The following QTGAL variants were observed in gnomAD, a reference collection of about 807,000 sequenced individuals.
The protein encoded by QTGAL is BGnT-like protein 1.
At chr17:82,987,368 C>T in the QTGAL span, among the ~76,000 whole-genome samples, 1 of 152,190 alleles carries the variant, frequency 6.6e-6, no homozygotes, top group Non-Finnish European at 1.5e-5. Context: ...TGACAGCATG[C>T]TTCATAGGCC....
At chr17:82,990,951 GATCTAAGA>G in the QTGAL span, among the ~76,000 whole-genome samples, 1 of 152,174 alleles carries the variant, frequency 6.6e-6, no homozygotes, top group African/African-American at 2.4e-5. Flanking sequence ...GCCAGGTCTT[GATCTAAGA>G]CTTTCCAGCT....
chr17:82,988,381 T>TAAAACCCAAAACTACA, the QTGAL span, among the ~76,000 whole-genome samples: 1 of 152,124 alleles, frequency 6.6e-6, no homozygotes, highest in African/African-American at 2.4e-5. Flanking sequence ...GACTTAAACG[T>TAAAACCCAAAACTACA]AAAACCCAAA....
the QTGAL span, among the ~76,000 whole-genome samples, chr17:83,046,578 C>G: frequency 5.3e-5 from 8 of 152,200 alleles, no homozygotes; most frequent in Non-Finnish European, 1.2e-4. Flanking sequence ...CAGAAAATAA[C>G]AAGTGTTGAT....
At chr17:83,005,681 G>A in the QTGAL span, 3 of 703,742 alleles carry the variant, frequency 4.3e-6, no homozygotes, top group Non-Finnish European at 7.7e-6. This position sits in a 1 kb window ranked among gnomAD's most constrained non-coding sequence, Gnocchi z 5.6. Flanking sequence ...CCTAAGTGGA[G>A]AAGAGCCTTG....
the QTGAL span, chr17:82,945,826 A>G: frequency 6.6e-6 from 1 of 152,250 alleles, no homozygotes; most frequent in African/African-American, 2.4e-5. Context: ...TTTAGTGGAT[A>G]AACTTTAGGC....
the QTGAL span, among the ~76,000 whole-genome samples, chr17:82,969,418 A>G: frequency 1.3e-5 from 2 of 152,192 alleles, no homozygotes; most frequent in Admixed American, 6.5e-5. Context: ...TACGTTGCCC[A>G]GGCTGGTCTT....
At chr17:83,048,754 G>A in the QTGAL span, 16 of 1,614,066 alleles carry the variant, frequency 9.9e-6, no homozygotes, top group East Asian at 2.2e-5. Context: ...GTCCAGCCAC[G>A]GTTCAGCGTT....
the QTGAL span, among the ~76,000 whole-genome samples, chr17:82,971,640 G>A: frequency 8.9e-4 from 120 of 134,172 alleles, 3 homozygotes; most frequent in African/African-American, 2.7e-3. Flanking sequence ...GAAGGACCTG[G>A]TGCCGACCAC....
the QTGAL span, among the ~76,000 whole-genome samples, chr17:83,003,906 T>C: frequency 2.3e-4 from 3 of 12,866 alleles, no homozygotes; most frequent in Admixed American, 1.3e-3. Context: ...ATTCCTGAGC[T>C]CGCCCTCCCG....
the QTGAL span, among the ~76,000 whole-genome samples, chr17:82,966,815 T>C: frequency 6.6e-6 from 1 of 152,106 alleles, no homozygotes; most frequent in African/African-American, 2.4e-5. Flanking sequence ...GCAGAAGACA[T>C]GGATAAACCA....
the QTGAL span, among the ~76,000 whole-genome samples, chr17:82,963,278 G>A: frequency 0.2 from 30,768 of 152,032 alleles, 3,202 homozygotes; most frequent in Admixed American, 0.24. Context: ...TCAGGGACGC[G>A]CTTCCTTCCC....
the QTGAL span, among the ~76,000 whole-genome samples, chr17:83,017,338 T>C: frequency 6.6e-6 from 1 of 152,150 alleles, no homozygotes; most frequent in Non-Finnish European, 1.5e-5. Flanking sequence ...AGAAGACTTT[T>C]ATGGCCAGGC....
chr17:82,987,252 C>A, the QTGAL span, among the ~76,000 whole-genome samples: 2 of 152,106 alleles, frequency 1.3e-5, no homozygotes, highest in Admixed American at 1.3e-4. Flanking sequence ...TTAAAAAATT[C>A]TTTATCTCAA....
chr17:82,954,255 A>C, the QTGAL span, among the ~76,000 whole-genome samples: 1 of 152,222 alleles, frequency 6.6e-6, no homozygotes, highest in Non-Finnish European at 1.5e-5. Flanking sequence ...CCATTGTCTC[A>C]GCCCAAAAAC....
At chr17:83,018,007 C>T in the QTGAL span, among the ~76,000 whole-genome samples, 2 of 94,312 alleles carry the variant, frequency 2.1e-5, no homozygotes, top group East Asian at 3.6e-4. Flanking sequence ...CCGTGAACAC[C>T]GTGCGCCTGT....
the QTGAL span, chr17:82,942,374 G>A: frequency 6.2e-7 from 1 of 1,603,624 alleles, no homozygotes; most frequent in Non-Finnish European, 8.5e-7. Context: ...AGGGCCCAGA[G>A]GGGTGAGGGT....
chr17:82,995,485 C>T, the QTGAL span, among the ~76,000 whole-genome samples: 4 of 151,720 alleles, frequency 2.6e-5, no homozygotes, highest in Non-Finnish European at 4.4e-5. Flanking sequence ...CGGGTTCAAG[C>T]AATTCTCCTG....
At chr17:83,026,629 CA>C in the QTGAL span, among the ~76,000 whole-genome samples, 1 of 100,276 alleles carries the variant, frequency 1.0e-5, no homozygotes, top group Non-Finnish European at 2.1e-5. Flanking sequence ...CAGAGGAGGG[CA>C]GGAAGCCTGC....
the QTGAL span, among the ~76,000 whole-genome samples, chr17:83,008,425 C>T: frequency 2.7e-3 from 408 of 152,016 alleles, no homozygotes; most frequent in African/African-American, 9.5e-3. Context: ...GCAATTCCAC[C>T]GAAAAAAAGA....
Sources: gnomAD v4.1 joint callset for allele counts (sites outside exome capture counted in the v4.1 genomes callset) on GRCh38, gnomAD v4.1.1 for gene constraint, Gnocchi (gnomAD v3.1) non-coding constraint, MANE v1.5 for transcripts, NCBI Gene and HGNC (gene_info 2026-07-23, HGNC 2026-07-21) for gene names.